Variants in NLRP2 observed in about 807,000 individuals in gnomAD.
NLRP2 encodes NACHT, LRR and PYD domains-containing protein 2.
Under a neutral mutation model 97.2 loss-of-function variants are expected in NLRP2, and 107 were observed. The ratio of observed to expected loss-of-function variants is 1.10; its 90% CI spans 0.94 to 1.29. The LOEUF (loss-of-function observed/expected upper bound fraction) is 1.29, where lower values mean the gene tolerates loss of function less well. NLRP2 is among the 50% of genes most tolerant of loss of function. The pLI is 0.00. For synonymous variants in NLRP2, 663 were observed against 551.5 expected, an observed-to-expected ratio of 1.20 and a Z score of -2.83; for missense variants, 1,495 against 1,330.3, an observed-to-expected ratio of 1.12 and a Z score of -1.93.
Position 54,990,118 on chromosome 19 carries a change from T to C in NLRP2, c.2463T>C (p.Asn821=), listed in dbSNP as rs2072367432. The change falls in exon 9 of 13, where the codon AAT becomes AAC. Residue 821 remains asparagine, a synonymous_variant. Coordinates refer to ENST00000448584, the MANE Select transcript of NLRP2 (RefSeq NM_017852.5). The part of the protein sequence containing the change: ...QSLTCVNLSD[N]ELLDEGAKLL... ...TGACGTGCGTAAACCTCTCCGACAA[T>C]GAGCTTCTGGATGAGGGTGCTAAGT... 1.9e-6 allele frequency: 3 copies of C among 1,611,282 alleles called. No individual in the cohort carries two copies. The highest frequency in any genetic ancestry group is 2.5e-6 in the Non-Finnish European group (3 of 1,177,634).
intron 2 of NLRP2, among the ~76,000 whole-genome samples, chr19:54,971,199 A>G (rs1284354003): frequency 6.6e-6 from 1 of 150,922 alleles, no homozygotes; most frequent in Non-Finnish European, 1.5e-5. Flanking sequence ...TATGTGCCAC[A>G]TTTTCTTAAT....
rs747310018 is a variant in NLRP2, at chr19:54,970,012, C to T, written c.-4C>T. On this transcript the variant is annotated 5_prime_UTR_variant, in exon 2 of 13. Transcript: ENST00000448584. ...TTGTCATCACAGCTCCCACGTGGGA[C>T]AAGATGGTGTCTTCGGCGCAGATGG... 2.5e-6 allele frequency: 4 copies of T among 1,613,232 alleles called. No homozygotes were observed. In the South Asian group the frequency reaches 4.4e-5, roughly 18 times the overall value.
At position 54,969,895 on chromosome 19, in the gene NLRP2, G is replaced by GGT. The variant is rs2070732168; in HGVS notation, c.-17-103_-17-102dup. ...TGGGAGTTTGTTCTTGAAGAAGCAG[G>GGT]GTAGATGGTGAGTGTCCTTGTTCGT... On this transcript the variant is annotated intron_variant, in intron 1 of 12. Coordinates refer to ENST00000448584, the MANE Select transcript of NLRP2 (RefSeq NM_017852.5). 6.3e-6 allele frequency: 7 copies of GGT among 1,112,996 alleles called. No homozygotes were observed. In the South Asian group the frequency reaches 7.5e-5, roughly 12 times the overall value. The allele number at this position is 1,112,996 out of a possible 1,614,324, so 68.9% of individuals were successfully genotyped here.
At chr19:54,988,134 T>C (rs2072220561) in intron 8 of NLRP2, among the ~76,000 whole-genome samples, 1 of 152,136 alleles carries the variant, frequency 6.6e-6, no homozygotes, top group African/African-American at 2.4e-5. Flanking sequence ...GCTGTACATC[T>C]TACAGGTATT....
rs61731654 is a variant in NLRP2 at position 54,983,702 on chromosome 19, G to C, written c.2004G>C (p.Ala668=). Residue 668 remains alanine, a synonymous_variant, in exon 6 of 13, where the codon GCG becomes GCC. Coordinates refer to ENST00000448584, the MANE Select transcript of NLRP2 (RefSeq NM_017852.5). The part of the protein sequence containing the change: ...IKENLPENVT[A]SESDAEVERS... ...AGAATCTCCCGGAGAATGTCACTGC[G>C]TCTGAATCAGACGCCGAGGTTGAGA... The C allele has an allele frequency of 5.6e-6, 9 of 1,612,600 alleles. No homozygotes were observed. Among genetic ancestry groups the C allele is most frequent in the African/African-American group, 1.3e-5 (1 of 74,648 alleles).
At position 54,997,303 on chromosome 19, in the gene NLRP2, CTG is replaced by C. The variant is rs753875489; in HGVS notation, c.2880-10_2880-9del. The C allele has an allele frequency of 5.0e-6, 8 of 1,613,006 alleles. No individual in the cohort carries two copies. Among genetic ancestry groups the C allele is most frequent in the South Asian group, 2.2e-5 (2 of 91,030 alleles). ...ACTGGCTGCATTAACGTGTTGATTT[CTG>C]TGTTTCCCCAGGTTGTGGGGATGTT... On this transcript the variant is annotated splice_polypyrimidine_tract_variant and intron_variant, in intron 11 of 12. Coordinates refer to ENST00000448584, the MANE Select transcript of NLRP2 (RefSeq NM_017852.5).
chr19:54,986,388 G>A (rs1227342231), intron 8 of NLRP2, 73 bp downstream of exon 8: 6 of 1,452,898 alleles, frequency 4.1e-6, no homozygotes, highest in Non-Finnish European at 4.8e-6. Context: ...GCAATTTTGT[G>A]TAAATAAGAA....
At chr19:54,998,042 T>C (rs111727560) in intron 12 of NLRP2, among the ~76,000 whole-genome samples, 12,842 of 147,612 alleles carry the variant, frequency 0.087, 528 homozygotes, top group Non-Finnish European at 0.11. Flanking sequence ...TTTTTTTTTT[T>C]CTGAGATGGA....
rs768161237 is a variant in NLRP2, at chr19:54,983,692, A to G, written c.1994A>G (p.Asn665Ser). Residue 665 changes from asparagine to serine, a missense_variant, in exon 6 of 13, where the codon AAT becomes AGT. Asn to Ser is a conservative substitution (Grantham distance 46). Coordinates refer to ENST00000448584, the MANE Select transcript of NLRP2 (RefSeq NM_017852.5). ...LQVIKENLPE[N>S]VTASESDAEV... ...GTAATAAAGGAGAATCTCCCGGAGA[A>G]TGTCACTGCGTCTGAATCAGACGCC... The G allele has an allele frequency of 2.5e-6, 4 of 1,613,530 alleles. No homozygotes were observed. The highest frequency in any genetic ancestry group is 3.4e-6 in the Non-Finnish European group (4 of 1,180,014).
At chr19:54,995,550 C>A (rs755547803) in intron 11 of NLRP2, among the ~76,000 whole-genome samples, 4 of 151,646 alleles carry the variant, frequency 2.6e-5, no homozygotes, top group African/African-American at 4.8e-5. Flanking sequence ...TGTCACTACA[C>A]TCCATCCTGG....
chr19:54,988,847 A>G (rs12609974), intron 8 of NLRP2, among the ~76,000 whole-genome samples: 47,038 of 151,610 alleles, frequency 0.31, 7,751 homozygotes, highest in Middle Eastern at 0.5. Context: ...ATTCTAACAC[A>G]TTTTCCGGAT....
intron 7 of NLRP2, among the ~76,000 whole-genome samples, chr19:54,985,724 A>G (rs548195016): frequency 6.6e-6 from 1 of 150,840 alleles, no homozygotes; most frequent in East Asian, 2.0e-4. Flanking sequence ...GGCCGGGCAC[A>G]ATGGCTCACG....
Position 54,983,118 on chromosome 19 carries a change from G to A in NLRP2, c.1420G>A (p.Gly474Arg), listed in dbSNP as rs149186407. Residue 474 changes from glycine to arginine, a missense_variant, in exon 6 of 13, where the codon GGG (glycine) becomes AGG (arginine). Transcript: ENST00000448584. ...TCACCGAGAGGATCTGGAAAGGCTC[G>A]GGGTGCAGGAGTCCGACCTCCGTCT... is the stretch of plus-strand genomic sequence containing the variant. The part of the protein sequence containing the change: ...VLHREDLERL[G>R]VQESDLRLFL... 3.8e-5 allele frequency: 61 copies of A among 1,613,550 alleles called. No individual in the cohort carries two copies. Among genetic ancestry groups the A allele is most frequent in the Non-Finnish European group, 4.7e-5 (56 of 1,179,934 alleles).
chr19:54,970,612 C>T (rs142411210), intron 2 of NLRP2, among the ~76,000 whole-genome samples: 353 of 151,700 alleles, frequency 2.3e-3, no homozygotes, highest in African/African-American at 7.6e-3. Flanking sequence ...GCCGAGATCA[C>T]GCCATTGCAC....
chr19:54,981,522 C>CCCCCCCCCCCCCCCCA, intron 4 of NLRP2, 95 bp from the exon 5 acceptor site: 1 of 444,994 alleles, frequency 2.2e-6, no homozygotes, highest in Admixed American at 2.3e-5. Context: ...CCCCCTCCCC[C>CCCCCCCCCCCCCCCCA]CCGCCCCATC....
rs144058739 is a variant in NLRP2 at position 55,000,119 on chromosome 19, A to G, written c.3051-641A>G. Among the ~76,000 whole-genome samples, 415 of 151,492 alleles carry G rather than the reference A, an allele frequency of 2.7e-3. 1 individual carries two copies. The highest frequency in any genetic ancestry group is 4.5e-3 in the Non-Finnish European group (309 of 67,974). On this transcript the variant is annotated intron_variant, in intron 12 of 12. Transcript: ENST00000448584. ...CATGGTAAAACCCCAACTCTACTAA[A>G]AATACAAAAATTAGCTGAGCATGGT...
At chr19:54,981,593 C>T in intron 4 of NLRP2, 24 bp from the exon 5 acceptor site, 1 of 1,253,724 alleles carries the variant, frequency 8.0e-7, no homozygotes, top group Non-Finnish European at 1.1e-6. Context: ...TTGTGTCAAT[C>T]TCACATGAGT....
chr19:54,996,855 C>T (rs2072853650), intron 11 of NLRP2, among the ~76,000 whole-genome samples: 1 of 152,108 alleles, frequency 6.6e-6, no homozygotes, highest in African/African-American at 2.4e-5. Context: ...CCCTTCAGAA[C>T]CCCTCATCGC....
chr19:55,000,925 G>T lies in NLRP2; in HGVS notation c.*27G>T. 1 of 1,611,932 alleles carries T rather than the reference G, an allele frequency of 6.2e-7. No homozygotes were observed. Among genetic ancestry groups the T allele is most frequent in the Non-Finnish European group, 8.5e-7 (1 of 1,178,652 alleles). ...TCCCCCCGAGTCATTCATTCTCCAT[G>T]AAGTCATCGATTTTCCAGGTGTTGG... On this transcript the variant is annotated 3_prime_UTR_variant, in exon 13 of 13. Coordinates refer to ENST00000448584, the MANE Select transcript of NLRP2 (RefSeq NM_017852.5).
Sources: gnomAD v4.1 joint callset for allele counts (sites outside exome capture counted in the v4.1 genomes callset) on GRCh38, gnomAD v4.1.1 for gene constraint, MANE v1.5 for transcripts, NCBI Gene and HGNC (gene_info 2026-07-23, HGNC 2026-07-21) for gene names.